The following CCDC7 variants were observed in gnomAD, a reference collection of about 807,000 sequenced individuals.
CCDC7 encodes coiled-coil domain-containing protein 7.
A neutral mutation model predicts 196.9 loss-of-function variants in CCDC7; 183 were observed. The observed-to-expected ratio is 0.93, with a 90% CI of 0.82 to 1.05. CCDC7 has a LOEUF of 1.05. Among genes scored for constraint, CCDC7 ranks in the 50% least tolerant of loss-of-function variants. The pLI is 0.00. For synonymous variants in CCDC7, 525 were observed against 484.6 expected, an observed-to-expected ratio of 1.08 and a Z score of -1.10; for missense variants, 1,540 against 1,482.2, an observed-to-expected ratio of 1.04 and a Z score of -0.64.
chr10:32,762,811 C>CT (rs2077662196), intron 28 of CCDC7, among the ~76,000 whole-genome samples: 1 of 151,588 alleles, frequency 6.6e-6, no homozygotes, highest in Non-Finnish European at 1.5e-5. Flanking sequence ...AATACTCAAA[C>CT]GCAAAATAAT....
intron 11 of CCDC7, among the ~76,000 whole-genome samples, chr10:32,533,094 A>C (rs899154045): frequency 4.0e-5 from 6 of 151,754 alleles, no homozygotes; most frequent in Non-Finnish European, 8.8e-5. Flanking sequence ...ATATGTTCTG[A>C]TTTATTGCTT....
chr10:32,763,280 T>A (rs2077741032), intron 28 of CCDC7, among the ~76,000 whole-genome samples: 1 of 151,862 alleles, frequency 6.6e-6, no homozygotes, highest in Non-Finnish European at 1.5e-5. Flanking sequence ...ACATCACTAA[T>A]CATCAGGGAA....
chr10:32,711,716 G>A lies in CCDC7; in HGVS notation c.2555G>A (p.Gly852Glu), dbSNP rs112510748. 2.3e-5 allele frequency: 36 copies of A among 1,569,208 alleles called. 2 individuals are homozygous for A. The African/African-American group carries it at 2.6e-4, about 11-fold the overall frequency. ...TTAGAGATTCAAGAAACTTCTGAAG[G>A]AGAAGGACGTAGCAGTAAGTATAAT... Residue 852 changes from glycine to glutamate, a missense_variant, in exon 25 of 42, where the codon GGA becomes GAA. Gly to Glu is a moderately conservative substitution (Grantham distance 98, BLOSUM62 -2). Transcript: ENST00000639629.
chr10:32,874,806 T>C (rs2094552545), intron 41 of CCDC7, among the ~76,000 whole-genome samples: 1 of 139,888 alleles, frequency 7.1e-6, no homozygotes, highest in Non-Finnish European at 1.6e-5. Flanking sequence ...ATATATATAC[T>C]CACCACATTT....
intron 29 of CCDC7, among the ~76,000 whole-genome samples, chr10:32,789,560 A>G (rs2082370859): frequency 8.0e-6 from 1 of 124,568 alleles, no homozygotes; most frequent in African/African-American, 4.0e-5. Context: ...ATAAAAAAGT[A>G]AAAAAAAAAA....
At chr10:32,832,818 AT>A (rs2092311558) in intron 32 of CCDC7, among the ~76,000 whole-genome samples, 1 of 152,074 alleles carries the variant, frequency 6.6e-6, no homozygotes, top group South Asian at 2.1e-4. Context: ...TTAAAATGTA[AT>A]TGTGTGGTAC....
At chr10:32,656,895 T>C (rs1232607391) in intron 20 of CCDC7, among the ~76,000 whole-genome samples, 4 of 152,116 alleles carry the variant, frequency 2.6e-5, no homozygotes, top group African/African-American at 4.8e-5. Flanking sequence ...CCAGATACAA[T>C]GGGGGAACAT....
At chr10:32,706,171 AAAACTGCTCAACTATAGGG>A (rs1565221069) in intron 24 of CCDC7, among the ~76,000 whole-genome samples, 1 of 152,178 alleles carries the variant, frequency 6.6e-6, no homozygotes, top group East Asian at 1.9e-4. Flanking sequence ...AAACTCTTTC[AAAACTGCTCAACTATAGGG>A]AAACTGAACA....
At chr10:32,827,454 G>C (rs1244905077) in intron 32 of CCDC7, among the ~76,000 whole-genome samples, 3 of 152,184 alleles carry the variant, frequency 2.0e-5, no homozygotes, top group African/African-American at 7.2e-5. Context: ...TGCATGCAAT[G>C]CTTCTGCCAA....
At chr10:32,680,623 T>G (rs1056785850) in intron 21 of CCDC7, among the ~76,000 whole-genome samples, 21 of 147,248 alleles carry the variant, frequency 1.4e-4, no homozygotes, top group Middle Eastern at 7.0e-3. Flanking sequence ...GGGACACACA[T>G]ATTTTCTTAT....
chr10:32,599,530 AT>A (rs1487967883), intron 18 of CCDC7, among the ~76,000 whole-genome samples: 1 of 151,136 alleles, frequency 6.6e-6, no homozygotes, highest in African/African-American at 2.4e-5. Context: ...TGTTTCATTG[AT>A]TTTTTTCATA....
At chr10:32,512,891 T>G (rs1356605971) in intron 9 of CCDC7, 1 of 152,168 alleles carries the variant, frequency 6.6e-6, no homozygotes, top group Non-Finnish European at 1.5e-5. Flanking sequence ...AAGCCATGAC[T>G]TTTTTGTCTA....
At chr10:32,627,353 A>G (rs1410525962) in intron 18 of CCDC7, among the ~76,000 whole-genome samples, 2 of 151,980 alleles carry the variant, frequency 1.3e-5, no homozygotes, top group African/African-American at 4.8e-5. Context: ...TAGAAACACT[A>G]CTGATTTATG....
chr10:32,730,189 C>T (rs2083721883), intron 28 of CCDC7, among the ~76,000 whole-genome samples: 2 of 152,132 alleles, frequency 1.3e-5, no homozygotes. Context: ...GTAGGTTGTC[C>T]CCCACATGTC....
At chr10:32,465,135 C>G (rs566815230) in intron 5 of CCDC7, among the ~76,000 whole-genome samples, 1 of 148,604 alleles carries the variant, frequency 6.7e-6, no homozygotes, top group Non-Finnish European at 1.5e-5. Context: ...AAGTATTCAA[C>G]GAATAAACTG....
intron 32 of CCDC7, among the ~76,000 whole-genome samples, chr10:32,827,294 G>A (rs1037443073): frequency 1.3e-5 from 2 of 152,192 alleles, no homozygotes; most frequent in Non-Finnish European, 2.9e-5. Flanking sequence ...CAGCAGCAGA[G>A]ACTAACACTG....
intron 21 of CCDC7, among the ~76,000 whole-genome samples, chr10:32,676,145 T>C (rs1446568475): frequency 5.4e-5 from 7 of 129,088 alleles, no homozygotes; most frequent in Admixed American, 5.0e-4. Flanking sequence ...AAGGATTCCC[T>C]GTTTAATAAA....
intron 25 of CCDC7, among the ~76,000 whole-genome samples, chr10:32,716,252 C>T (rs529449248): frequency 6.6e-6 from 1 of 152,246 alleles, no homozygotes; most frequent in South Asian, 2.1e-4. Context: ...CAATATTCAA[C>T]ATTCTTAAAG....
At chr10:32,733,315 T>C (rs1565329009) in intron 28 of CCDC7, among the ~76,000 whole-genome samples, 1 of 152,132 alleles carries the variant, frequency 6.6e-6, no homozygotes, top group Non-Finnish European at 1.5e-5. Context: ...ATAATTGATA[T>C]GTATTTTGAA....
Sources: allele counts gnomAD v4.1 joint callset (sites outside exome capture counted in the v4.1 genomes callset), GRCh38; gene constraint gnomAD v4.1.1; transcripts MANE v1.5; gene names NCBI Gene and HGNC (gene_info 2026-07-23, HGNC 2026-07-21).